Variants in MCPH1 observed in about 807,000 individuals in gnomAD.
The protein encoded by MCPH1 is microcephalin 1, also known as microcephalin.
MCPH1 carries 104 observed loss-of-function variants against 84.5 expected under a neutral mutation model. The observed-to-expected ratio is 1.23, with a 90% CI of 1.05 to 1.45. The LOEUF (loss-of-function observed/expected upper bound fraction) is 1.45. Among genes scored for constraint, MCPH1 ranks in the 40% most tolerant of loss-of-function variants. The pLI, the probability that MCPH1 is intolerant of heterozygous loss-of-function variation, is 0.00. For missense variants in MCPH1, 1,498 were observed against 1,005.7 expected (o/e 1.49, Z -6.62); for synonymous variants, 514 against 366.8 (o/e 1.40, Z -4.58).
chr8:6,614,133 C>A (rs1339278260), intron 12 of MCPH1, among the ~76,000 whole-genome samples: 2 of 152,192 alleles, frequency 1.3e-5, no homozygotes, highest in Non-Finnish European at 2.9e-5. Flanking sequence ...AGGTTAGACT[C>A]CTAAAAATGT....
intron 11 of MCPH1, among the ~76,000 whole-genome samples, chr8:6,486,692 T>C (rs1336052127): frequency 6.6e-6 from 1 of 152,248 alleles, no homozygotes; most frequent in Non-Finnish European, 1.5e-5. Flanking sequence ...TCCTCCTTCA[T>C]GACTGAATTG....
intron 12 of MCPH1, among the ~76,000 whole-genome samples, chr8:6,584,743 G>A (rs1230224626): frequency 6.6e-6 from 1 of 152,284 alleles, no homozygotes; most frequent in South Asian, 2.1e-4. Context: ...TGTCCTCCTT[G>A]CTTTTCCAAA....
chr8:6,476,151 A>G (rs1808420062), intron 9 of MCPH1, among the ~76,000 whole-genome samples: 1 of 152,142 alleles, frequency 6.6e-6, no homozygotes, highest in Non-Finnish European at 1.5e-5. Flanking sequence ...ATTTCAGGCC[A>G]GGCGCGGTGG....
At chr8:6,410,901 C>T (rs912551551) in intron 2 of MCPH1, among the ~76,000 whole-genome samples, 2 of 151,926 alleles carry the variant, frequency 1.3e-5, no homozygotes, top group African/African-American at 4.8e-5. Context: ...ACCAGCCTGG[C>T]CAACATAGTG....
chr8:6,613,690 C>G (rs1167517459), intron 12 of MCPH1, among the ~76,000 whole-genome samples: 2 of 151,954 alleles, frequency 1.3e-5, no homozygotes, highest in Non-Finnish European at 2.9e-5. Flanking sequence ...GGGACAGGAT[C>G]AGTGATGGAG....
At chr8:6,473,219 A>AT (rs1199592218) in intron 9 of MCPH1, among the ~76,000 whole-genome samples, 2 of 148,574 alleles carry the variant, frequency 1.3e-5, no homozygotes, top group East Asian at 2.0e-4. Flanking sequence ...GATCATCTGC[A>AT]TTTTTTCTGT....
intron 13 of MCPH1, among the ~76,000 whole-genome samples, chr8:6,636,378 G>A (rs1029810393): frequency 8.6e-5 from 13 of 151,484 alleles, no homozygotes; most frequent in South Asian, 2.1e-4. Flanking sequence ...TGAGGGTGAT[G>A]CCACACAACC....
intron 3 of MCPH1, among the ~76,000 whole-genome samples, chr8:6,431,099 C>T (rs1167513981): frequency 6.6e-6 from 1 of 152,122 alleles, no homozygotes; most frequent in Non-Finnish European, 1.5e-5. Context: ...AAGAGATGTC[C>T]TCTGACTTCA....
At chr8:6,533,574 T>TC (rs1477228265) in intron 12 of MCPH1, among the ~76,000 whole-genome samples, 6 of 124,030 alleles carry the variant, frequency 4.8e-5, no homozygotes, top group African/African-American at 1.6e-4. Context: ...AGTTTCTTTT[T>TC]TTTTTTTTTT....
intron 12 of MCPH1, among the ~76,000 whole-genome samples, chr8:6,533,199 C>CT (rs1364795843): frequency 2.0e-5 from 3 of 152,220 alleles, no homozygotes; most frequent in Non-Finnish European, 4.4e-5. Flanking sequence ...TGGTTCTTCT[C>CT]TCCCTCAGTT....
intron 9 of MCPH1, among the ~76,000 whole-genome samples, chr8:6,460,669 G>C (rs767324764): frequency 2.6e-5 from 4 of 151,582 alleles, no homozygotes; most frequent in Admixed American, 1.3e-4. Context: ...TCAATCATAC[G>C]TTCCATATCT....
At chr8:6,432,821 C>G (rs553885576) in intron 4 of MCPH1, among the ~76,000 whole-genome samples, 2 of 152,260 alleles carry the variant, frequency 1.3e-5, no homozygotes, top group Non-Finnish European at 2.9e-5. Flanking sequence ...TCAGCAGTCT[C>G]TGGACTCCCT....
chr8:6,608,406 C>G (rs1489816504), intron 12 of MCPH1, among the ~76,000 whole-genome samples: 2 of 152,198 alleles, frequency 1.3e-5, no homozygotes, highest in Non-Finnish European at 2.9e-5. Flanking sequence ...GGGTGTCTTT[C>G]TAATTGTTAG....
chr8:6,580,832 A>T (rs1827512899), intron 12 of MCPH1, among the ~76,000 whole-genome samples: 2 of 152,204 alleles, frequency 1.3e-5, no homozygotes, highest in African/African-American at 4.8e-5. Flanking sequence ...CCTGTAAATA[A>T]CTTTGCATTT....
chr8:6,474,219 C>T, intron 9 of MCPH1: 2 of 649,064 alleles, frequency 3.1e-6, no homozygotes, highest in Non-Finnish European at 5.7e-6. Context: ...TACTCTTCAT[C>T]ATAGTCGTCA....
intron 12 of MCPH1, among the ~76,000 whole-genome samples, chr8:6,569,210 C>G (rs978808565): frequency 3.3e-5 from 5 of 152,122 alleles, no homozygotes; most frequent in Non-Finnish European, 7.4e-5. Context: ...GAGAAATAGC[C>G]ACAACTGGCA....
At chr8:6,495,255 T>C (rs1811104038) in intron 11 of MCPH1, among the ~76,000 whole-genome samples, 1 of 152,212 alleles carries the variant, frequency 6.6e-6, no homozygotes. Flanking sequence ...ATTGCTACAC[T>C]ATTTCATTAA....
intron 4 of MCPH1, 149 bp downstream of exon 4, chr8:6,431,735 TA>T: frequency 1.6e-6 from 1 of 609,366 alleles, no homozygotes; most frequent in Non-Finnish European, 2.9e-6. Context: ...ATAGCATTTT[TA>T]AGTGAATTAC....
chr8:6,444,758 C>T lies in MCPH1; in HGVS notation c.1036C>T (p.His346Tyr), dbSNP rs199750676. ...LSSTKGHLLI[H>Y]SRPRSSSVKR... ...TTCAACAAAAGGCCACCTTTTGATA[C>T]ATTCAAGACCCAGGAGTTCCTCAGT... The change falls in exon 8 of 14, where the codon CAT becomes TAT. Residue 346 changes from histidine to tyrosine, a missense_variant. By Grantham distance (83) the His-to-Tyr change is moderately conservative. Transcript: ENST00000344683. 2.5e-6 allele frequency: 4 copies of T among 1,613,968 alleles called. No homozygotes were observed. The highest frequency in any genetic ancestry group is 3.4e-6 in the Non-Finnish European group (4 of 1,180,008).
Sources: gnomAD v4.1 joint callset for allele counts (sites outside exome capture counted in the v4.1 genomes callset) on GRCh38, gnomAD v4.1.1 for gene constraint, MANE v1.5 for transcripts, NCBI Gene and HGNC (gene_info 2026-07-23, HGNC 2026-07-21) for gene names.